The following ADGRG7 variants were observed in gnomAD, a reference collection of about 807,000 sequenced individuals.
The protein encoded by ADGRG7 is G-protein coupled receptor 128.
Under a neutral mutation model 88.6 loss-of-function variants are expected in ADGRG7, and 82 were observed. That is an observed-to-expected ratio of 0.93 (90% CI 0.77 to 1.11). The LOEUF (loss-of-function observed/expected upper bound fraction) is 1.11. Among genes scored for constraint, ADGRG7 ranks in the 50% most tolerant of loss-of-function variants. The pLI, the probability that ADGRG7 is intolerant of heterozygous loss-of-function variation, is 0.00. For synonymous variants in ADGRG7, 381 were observed against 345.2 expected (o/e 1.10, Z -1.15); for missense variants, 945 against 953.4 (o/e 0.99, Z 0.12).
In ADGRG7 at chr3:100,694,764, G is replaced by C. The variant is rs766948143; in HGVS notation, c.2157G>C (p.Leu719=). The C allele has an allele frequency of 8.1e-6, 13 of 1,613,884 alleles. No homozygotes were observed. Among genetic ancestry groups the C allele is most frequent in the Non-Finnish European group, 1.1e-5 (13 of 1,179,870 alleles). ...NTTQGLQIFI[L]YTVRTKVFQS... ...TGCAGGGATTGCAAATTTTTATCCT[G>C]TACACTGTTAGAACAAAAGTCTTCC... Residue 719 remains leucine, a synonymous_variant, in exon 16 of 16, where the codon CTG becomes CTC. Coordinates refer to ENST00000273352, the MANE Select transcript of ADGRG7 (RefSeq NM_032787.3).
At chr3:100,623,886 C>T (rs1281695476) in intron 1 of ADGRG7, among the ~76,000 whole-genome samples, 1 of 152,082 alleles carries the variant, frequency 6.6e-6, no homozygotes, top group Non-Finnish European at 1.5e-5. Context: ...TATCTCATTC[C>T]TTTTTATGGC....
intron 1 of ADGRG7, 50 bp downstream of exon 1, chr3:100,610,021 C>A: frequency 6.9e-7 from 1 of 1,439,318 alleles, no homozygotes; most frequent in Non-Finnish European, 9.8e-7. Context: ...GGTATGGGAC[C>A]TCTGTCCCTG....
intron 15 of ADGRG7, among the ~76,000 whole-genome samples, chr3:100,682,246 G>T (rs2094974437): frequency 6.6e-6 from 1 of 152,136 alleles, no homozygotes; most frequent in South Asian, 2.1e-4. Flanking sequence ...CAGTGCAGTC[G>T]GGCAAGGAAG....
intron 1 of ADGRG7, among the ~76,000 whole-genome samples, chr3:100,628,583 T>C (rs1313292674): frequency 6.6e-6 from 1 of 152,138 alleles, no homozygotes; most frequent in Non-Finnish European, 1.5e-5. Flanking sequence ...CTCGAACTCC[T>C]GACCTCAAGT....
chr3:100,637,987 C>G (rs1009642007), intron 6 of ADGRG7, among the ~76,000 whole-genome samples: 1 of 152,192 alleles, frequency 6.6e-6, no homozygotes, highest in African/African-American at 2.4e-5. Flanking sequence ...CTGTCAGGAG[C>G]GAACTCTGTG....
intron 13 of ADGRG7, among the ~76,000 whole-genome samples, chr3:100,656,861 G>T (rs1483874870): frequency 1.3e-5 from 2 of 152,068 alleles, no homozygotes; most frequent in Non-Finnish European, 2.9e-5. Context: ...CTGATTTCAT[G>T]CTCCCAGATA....
chr3:100,632,648 TTTCTAG>T (rs1456002076), intron 3 of ADGRG7, among the ~76,000 whole-genome samples: 4 of 152,180 alleles, frequency 2.6e-5, no homozygotes, highest in Non-Finnish European at 5.9e-5. Context: ...AATTTCAGTG[TTTCTAG>T]TTGTTGTCCC....
At chr3:100,647,144 G>A (rs1707765731) in intron 10 of ADGRG7, among the ~76,000 whole-genome samples, 1 of 152,160 alleles carries the variant, frequency 6.6e-6, no homozygotes, top group South Asian at 2.1e-4. Flanking sequence ...GTGACAGAGT[G>A]AGACTCTGTC....
chr3:100,649,926 T>C (rs1480844388), intron 11 of ADGRG7, 119 bp downstream of exon 11: 2 of 511,340 alleles, frequency 3.9e-6, no homozygotes, highest in Admixed American at 7.2e-5. Flanking sequence ...GTACTTATTT[T>C]ACAGAGGAGG....
chr3:100,633,052 C>G (rs694612), intron 3 of ADGRG7, among the ~76,000 whole-genome samples: 1 of 151,848 alleles, frequency 6.6e-6, no homozygotes, highest in African/African-American at 2.4e-5. Context: ...AAAGGTAAAT[C>G]TTACTTGAAG....
At chr3:100,633,542 GAGACCT>G (rs1228863019) in intron 4 of ADGRG7, among the ~76,000 whole-genome samples, 165 bp downstream of exon 4, 2 of 152,040 alleles carry the variant, frequency 1.3e-5, no homozygotes, top group African/African-American at 4.8e-5. Flanking sequence ...TATTTATTTT[GAGACCT>G]AGTTTTGCTC....
At chr3:100,679,431 G>C (rs2094970019) in intron 15 of ADGRG7, among the ~76,000 whole-genome samples, 1 of 152,154 alleles carries the variant, frequency 6.6e-6, no homozygotes, top group Non-Finnish European at 1.5e-5. Context: ...GAGCCTGCTT[G>C]GTGTTCTACC....
intron 5 of ADGRG7, 106 bp from the exon 6 acceptor site, chr3:100,637,196 C>T (rs1047296840): frequency 6.7e-6 from 5 of 750,172 alleles, no homozygotes; most frequent in Non-Finnish European, 1.1e-5. Flanking sequence ...TCTACATTAT[C>T]ATATCAGTGA....
intron 1 of ADGRG7, among the ~76,000 whole-genome samples, chr3:100,611,280 C>CT (rs1559666852): frequency 7.0e-6 from 1 of 143,698 alleles, no homozygotes; most frequent in African/African-American, 2.6e-5. Context: ...TCCTTCCTTC[C>CT]TTCCTTCCTT....
At chr3:100,686,865 T>G (rs2094983628) in intron 15 of ADGRG7, among the ~76,000 whole-genome samples, 2 of 152,230 alleles carry the variant, frequency 1.3e-5, no homozygotes, top group South Asian at 4.1e-4. Context: ...GCGGGCTCTT[T>G]TTTGGTTCCA....
At chr3:100,631,581 C>T (rs948515029) in intron 3 of ADGRG7, among the ~76,000 whole-genome samples, 38 of 152,092 alleles carry the variant, frequency 2.5e-4, no homozygotes, top group East Asian at 1.2e-3. Context: ...GCAGGTAATT[C>T]GCTACTTCCT....
chr3:100,668,317 C>G (rs368938375), intron 14 of ADGRG7, among the ~76,000 whole-genome samples: 6 of 152,166 alleles, frequency 3.9e-5, no homozygotes, highest in African/African-American at 1.4e-4. Flanking sequence ...TGGGAAAGCT[C>G]ATCTCTGCTC....
intron 10 of ADGRG7, 31 bp from the exon 11 acceptor site, chr3:100,649,664 T>G: frequency 8.1e-7 from 1 of 1,230,520 alleles, no homozygotes; most frequent in Non-Finnish European, 1.2e-6. Context: ...GGATGACTAA[T>G]TAAAAATATG....
intron 1 of ADGRG7, among the ~76,000 whole-genome samples, chr3:100,625,652 T>C (rs746653492): frequency 2.0e-5 from 3 of 152,240 alleles, no homozygotes; most frequent in Non-Finnish European, 4.4e-5. Context: ...CAGTACGATA[T>C]TGGCTGTGGT....
Sources: gnomAD v4.1 joint callset for allele counts (sites outside exome capture counted in the v4.1 genomes callset) on GRCh38, gnomAD v4.1.1 for gene constraint, MANE v1.5 for transcripts, NCBI Gene and HGNC (gene_info 2026-07-23, HGNC 2026-07-21) for gene names.